ZNF208: variants seen among roughly 807,000 people sequenced by gnomAD.
ZNF208 encodes the protein zinc finger protein 95.
A neutral mutation model predicts 12.1 loss-of-function variants in ZNF208; 10 were observed. That is an observed-to-expected ratio of 0.83 (90% CI 0.51 to 1.40). The LOEUF (loss-of-function observed/expected upper bound fraction) is 1.40. ZNF208 is among the 40% of genes most tolerant of loss of function. The pLI is 0.00. For synonymous variants in ZNF208, 497 were observed against 488.4 expected (o/e 1.02, Z -0.23); for missense variants, 1,652 against 1,485.0 (o/e 1.11, Z -1.85).
At chr19:21,996,193 T>TA (rs1431558452) in intron 1 of ZNF208, among the ~76,000 whole-genome samples, 5 of 152,228 alleles carry the variant, frequency 3.3e-5, no homozygotes, top group African/African-American at 1.2e-4. Context: ...TTAAGTATTT[T>TA]AACTTGAGAC....
chr19:21,989,927 GTTGT>G lies in ZNF208; in HGVS notation c.4-1022_4-1019del, dbSNP rs369147799. Among the ~76,000 whole-genome samples the G allele has an allele frequency of 3.1e-3, 478 of 151,932 alleles. 2 individuals are homozygous for G. The highest frequency in any genetic ancestry group is 9.4e-3 in the South Asian group (45 of 4,806). On this transcript the variant is annotated intron_variant, in intron 1 of 3. Coordinates refer to ENST00000397126, the MANE Select transcript of ZNF208 (RefSeq NM_007153.3). Reference sequence around the variant, plus strand: ...TATCCTTTGCCCACTTTTTGATGGGGTTGTTTGTTTTTTTCTTGTAAATTAGTTT... The same window carrying G: ...TATCCTTTGCCCACTTTTTGATGGGGTTGTTTTTTTCTTGTAAATTAGTTT...
chr19:21,954,356 G>A (rs1273403895), intron 4 of ZNF208, among the ~76,000 whole-genome samples: 1 of 152,174 alleles, frequency 6.6e-6, no homozygotes, highest in African/African-American at 2.4e-5. Flanking sequence ...AGGTCCACTT[G>A]TTGCAGAGGT....
intron 1 of ZNF208, among the ~76,000 whole-genome samples, chr19:22,008,942 C>T (rs1207846303): frequency 6.6e-6 from 1 of 152,084 alleles, no homozygotes; most frequent in East Asian, 1.9e-4. Context: ...TAGACGCTCT[C>T]GCAGACATAG....
Position 21,994,135 on chromosome 19 carries a change from T to C in ZNF208, c.4-5226A>G, listed in dbSNP as rs138408934. On this transcript the variant is annotated intron_variant, in intron 1 of 3. Coordinates refer to ENST00000397126, the MANE Select transcript of ZNF208 (RefSeq NM_007153.3). ...TATAGACAGATGAAAGGGATACAGA[T>C]GGAAAGAGTTTAATGCAATTTAGAT... Among the ~76,000 whole-genome samples, 1,170 of 152,266 alleles carry C rather than the reference T, an allele frequency of 7.7e-3. 9 individuals are homozygous for C. The highest frequency in any genetic ancestry group is 0.026 in the African/African-American group (1,097 of 41,536).
rs547280521 is a variant in ZNF208, at chr19:21,953,899, C to T, written c.306-20662G>A. On this transcript the variant is annotated intron_variant, in intron 4 of 4. Coordinates refer to the ZNF208 transcript ENST00000599916. Reference sequence around the variant, plus strand: ...TAGTTTTTGAATGTGTTTGCTCATGCTTCTCTAGTTCTTTTAATTGTGATT... The same window carrying T: ...TAGTTTTTGAATGTGTTTGCTCATGTTTCTCTAGTTCTTTTAATTGTGATT... 2.6e-5 allele frequency among the ~76,000 whole-genome samples: 4 copies of T among 152,310 alleles called. No homozygotes were observed. The South Asian group carries it at 6.2e-4, about 24-fold the overall frequency.
Position 21,971,895 on chromosome 19 carries a change from G to T in ZNF208, c.3139C>A (p.His1047Asn). 1 of 1,530,180 alleles carries T rather than the reference G, an allele frequency of 6.5e-7. No individual in the cohort carries two copies. Among genetic ancestry groups the T allele is most frequent in the African/African-American group, 1.4e-5 (1 of 72,164 alleles). 94.8% of individuals were successfully genotyped at this position (1,530,180 alleles called of 1,614,324 possible). Residue 1047 changes from histidine to asparagine, a missense_variant, in exon 4 of 4, where the codon CAT (histidine) becomes AAT (asparagine). Physicochemically the swap from His to Asn is moderately conservative, Grantham distance 68. Transcript: ENST00000397126. ...AFSWPSSLTE[H>N]KATHAGEKPY... is the part of the protein sequence containing the mutation. ...TTTTCTCCAGCATGAGTTGCCTTAT[G>T]TTCAGTAAGGCTTGAGGGCCAGCTG...
At chr19:21,958,333 CAA>C (rs1280411748) in intron 4 of ZNF208, among the ~76,000 whole-genome samples, 3 of 151,932 alleles carry the variant, frequency 2.0e-5, no homozygotes, top group Non-Finnish European at 4.4e-5. Flanking sequence ...TGCAGCTCAT[CAA>C]AAAAAGATAG....
At chr19:22,002,569 G>A (rs922019915) in intron 1 of ZNF208, among the ~76,000 whole-genome samples, 2 of 151,570 alleles carry the variant, frequency 1.3e-5, no homozygotes, top group African/African-American at 4.9e-5. Context: ...GGCCAAATCC[G>A]AATCGAAAAC....
chr19:21,955,895 TGGA>T (rs1969967012), intron 4 of ZNF208, among the ~76,000 whole-genome samples: 1 of 152,236 alleles, frequency 6.6e-6, no homozygotes, highest in African/African-American at 2.4e-5. Context: ...TGCATTCCTT[TGGA>T]GGAGAAGAGG....
rs745710959 is a variant in ZNF208 at position 21,988,889 on chromosome 19, A to G, written c.24T>C (p.Asp8=). The G allele has an allele frequency of 2.5e-6, 4 of 1,614,100 alleles. No individual in the cohort carries two copies. The highest frequency in any genetic ancestry group is 2.2e-5 in the South Asian group (2 of 91,082). The change falls in exon 2 of 4, where the codon GAT becomes GAC. Residue 8 remains aspartate, a synonymous_variant. Transcript: ENST00000397126. ...CCTCCAGAGAGAATTCTATGGCCAC[A>G]TCCCTAAATGTCAATGATCCCTGGA... MGSLTFR[D]VAIEFSLEEW... is the part of the protein sequence containing the mutation.
chr19:21,963,649 T>C (rs918797437), downstream of ZNF208, among the ~76,000 whole-genome samples: 3 of 152,066 alleles, frequency 2.0e-5, no homozygotes, highest in Admixed American at 1.3e-4. Flanking sequence ...TTATTGAATC[T>C]AGTCATACTA....
chr19:21,988,285 T>G (rs1457639111), intron 2 of ZNF208, among the ~76,000 whole-genome samples: 1 of 151,984 alleles, frequency 6.6e-6, no homozygotes, highest in Non-Finnish European at 1.5e-5. Context: ...AAAAAGAAAT[T>G]ATACAAAAAA....
At chr19:21,999,196 T>C (rs1428856287) in intron 1 of ZNF208, among the ~76,000 whole-genome samples, 1 of 152,116 alleles carries the variant, frequency 6.6e-6, no homozygotes, top group Non-Finnish European at 1.5e-5. Context: ...GTATGAATAA[T>C]TTTATGTACT....
rs1328037216 is a variant in ZNF208 at position 21,967,058 on chromosome 19, A to G, written c.*4133T>C. 2.0e-5 allele frequency: 3 copies of G among 152,080 alleles called. No individual in the cohort carries two copies. The highest frequency in any genetic ancestry group is 6.6e-5 in the Admixed American group (1 of 15,252). The allele number at this position is 152,080 out of a possible 1,614,324, so 9.4% of individuals were successfully genotyped here. A position where few individuals can be genotyped will look rare whatever the true frequency, so the allele number is the denominator to read the frequency against. On this transcript the variant is annotated 3_prime_UTR_variant, in exon 4 of 4. Coordinates refer to ENST00000397126, the MANE Select transcript of ZNF208 (RefSeq NM_007153.3). Reference sequence around the variant, plus strand: ...CTGATAGTTTCTTTTACTGTGCAGAAGCTCTTTGGCTTAGATGCCATTTTT... The same window carrying G: ...CTGATAGTTTCTTTTACTGTGCAGAGGCTCTTTGGCTTAGATGCCATTTTT...
intron 3 of ZNF208, among the ~76,000 whole-genome samples, chr19:21,983,937 C>A (rs7260454): frequency 6.6e-6 from 1 of 151,798 alleles, no homozygotes; most frequent in Non-Finnish European, 1.5e-5. Flanking sequence ...CCCCATGGCA[C>A]GTGTATACCT....
rs1267156043 is a variant in ZNF208, at chr19:21,973,881, T to C, written c.1153A>G (p.Ser385Gly). 5 of 1,613,478 alleles carry C rather than the reference T, an allele frequency of 3.1e-6. No individual in the cohort carries two copies. The highest frequency in any genetic ancestry group is 4.2e-6 in the Non-Finnish European group (5 of 1,179,852). The change falls in exon 4 of 4, where the codon AGT becomes GGT. Residue 385 changes from serine to glycine, a missense_variant. Ser to Gly is a moderately conservative substitution (Grantham distance 56). Around this residue, in one of 3 missense-constraint regions of ZNF208, gnomAD observed 1,239 missense variants for 1,086.2 expected, o/e 1.14. Transcript: ENST00000397126. ...GKAYKWPSTL[S>G]YHKKIHTGEK... ...CCAGTATGAATTTTCTTATGATAAC[T>C]AAGGGTTGAGGGCCACTTATAGGCT...
In ZNF208 at chr19:21,972,433, G is replaced by A. The variant is rs1259786975; in HGVS notation, c.2601C>T (p.Gly867=). Residue 867 remains glycine, a synonymous_variant, in exon 4 of 4, where the codon GGC becomes GGT. Coordinates refer to ENST00000397126, the MANE Select transcript of ZNF208 (RefSeq NM_007153.3). ...GEKPYKCEEC[G]KAYKWPSTLS... ...GGGTTGAGGGCCATTTATAGGCTTTGCCACATTCTTCACATTTGTAGGGTT... is the reference window on the plus strand; with the variant it reads ...GGGTTGAGGGCCATTTATAGGCTTTACCACATTCTTCACATTTGTAGGGTT... 6.2e-7 allele frequency: 1 copy of A among 1,613,092 alleles called. No individual in the cohort carries two copies. Among genetic ancestry groups the A allele is most frequent in the Non-Finnish European group, 8.5e-7 (1 of 1,179,868 alleles).
In ZNF208 at chr19:21,972,049, A is replaced by G; in HGVS notation, c.2985T>C (p.His995=). The change falls in exon 4 of 4, where the codon CAT becomes CAC. Residue 995 remains histidine, a synonymous_variant. Coordinates refer to ENST00000397126, the MANE Select transcript of ZNF208 (RefSeq NM_007153.3). The stretch of plus-strand genomic sequence containing the variant: ...CACATTTGTAGGGTTTCTCTCCAGT[A>G]TGAATTACCTTATGTTTAGTAAGGA... ...FSILTKHKVI[H]TGEKPYKCEE... The G allele has an allele frequency of 6.2e-7, 1 of 1,613,802 alleles. No individual in the cohort carries two copies. The highest frequency in any genetic ancestry group is 8.5e-7 in the Non-Finnish European group (1 of 1,179,908).
At chr19:21,988,660 A>C in intron 2 of ZNF208, 123 bp downstream of exon 2, 1 of 1,583,174 alleles carries the variant, frequency 6.3e-7, no homozygotes, top group South Asian at 1.1e-5. Context: ...CCTTCTTCCA[A>C]ATATACTCTT....
Sources: allele counts gnomAD v4.1 joint callset (sites outside exome capture counted in the v4.1 genomes callset), GRCh38; gene constraint gnomAD v4.1.1; regional missense constraint gnomAD v4.1.1; transcripts MANE v1.5; gene names NCBI Gene and HGNC (gene_info 2026-07-23, HGNC 2026-07-21).